The following TRIM38 variants were observed in gnomAD, a reference collection of about 807,000 sequenced individuals.
TRIM38 encodes the protein E3 ubiquitin-protein ligase TRIM38.
A neutral mutation model predicts 35.8 loss-of-function variants in TRIM38; 35 were observed. The ratio of observed to expected loss-of-function variants is 0.98; its 90% CI spans 0.75 to 1.30. The LOEUF (loss-of-function observed/expected upper bound fraction) is 1.30. TRIM38 is among the 50% of genes most tolerant of loss of function. The pLI, the probability that TRIM38 is intolerant of heterozygous loss-of-function variation, is 0.00. For synonymous variants in TRIM38, 198 were observed against 204.7 expected, an observed-to-expected ratio of 0.97 and a Z score of 0.28; for missense variants, 545 against 556.9, an observed-to-expected ratio of 0.98 and a Z score of 0.21.
rs116570368 is a variant in TRIM38, at chr6:25,981,028, A to G, written c.875-2136A>G. Among the ~76,000 whole-genome samples the G allele has an allele frequency of 6.6e-3, 1,003 of 152,284 alleles. 13 individuals carry two copies. Among genetic ancestry groups the G allele is most frequent in the African/African-American group, 0.022 (900 of 41,558 alleles). On this transcript the variant is annotated intron_variant, in intron 7 of 7. Transcript: ENST00000357085. ...CTAACTGAATAGAGTTTGAAAAAGG[A>G]GGGTATTTACAAAGGTGAGGAGTTG...
At position 25,988,496 on chromosome 6, in the gene TRIM38, C is replaced by CTTTTTTTCTTTTT. The variant is rs1554143886; in HGVS notation, c.*4816_*4817insCTTTTTTTTTTTT. The CTTTTTTTCTTTTT allele has an allele frequency of 1.6e-5, 1 of 63,054 alleles. No individual in the cohort carries two copies. Among genetic ancestry groups the CTTTTTTTCTTTTT allele is most frequent in the African/African-American group, 7.0e-5 (1 of 14,186 alleles). 3.9% of individuals were successfully genotyped at this position (63,054 alleles called of 1,614,324 possible). ...TTTCTTTTTCTTTTTTCTTTTCTTT[C>CTTTTTTTCTTTTT]TTTTTTTTTTTTTTTTTGAGACAGA... On this transcript the variant is annotated 3_prime_UTR_variant, in exon 8 of 8. Transcript: ENST00000357085.
At chr6:25,965,237 T>G (rs541819019) in intron 2 of TRIM38, among the ~76,000 whole-genome samples, 1 of 152,350 alleles carries the variant, frequency 6.6e-6, no homozygotes, top group Admixed American at 6.5e-5. Flanking sequence ...AAGGTAACTT[T>G]CTGTGATAAC....
At position 25,989,931 on chromosome 6, in the gene TRIM38, C is replaced by T. The variant is rs1431419296; in HGVS notation, c.*6244C>T. On this transcript the variant is annotated 3_prime_UTR_variant, in exon 8 of 8. Coordinates refer to ENST00000357085, the MANE Select transcript of TRIM38 (RefSeq NM_006355.5). The stretch of plus-strand genomic sequence containing the variant: ...CAACTAATATCTATTCATTTTTGCA[C>T]TGTTGGAAGAAAATTACTGATCAAA... 1 of 151,196 alleles carries T rather than the reference C, an allele frequency of 6.6e-6. No individual in the cohort carries two copies. The highest frequency in any genetic ancestry group is 1.5e-5 in the Non-Finnish European group (1 of 67,930). 9.4% of individuals were successfully genotyped at this position (151,196 alleles called of 1,614,324 possible).
chr6:25,967,378 G>A (rs574149156), intron 3 of TRIM38, among the ~76,000 whole-genome samples: 9 of 152,242 alleles, frequency 5.9e-5, no homozygotes, highest in South Asian at 4.1e-4. Context: ...CCTGGTTTTG[G>A]TGGTGGGGAG....
chr6:25,965,703 A>G (rs1255781525), intron 2 of TRIM38, among the ~76,000 whole-genome samples: 2 of 110,802 alleles, frequency 1.8e-5, no homozygotes, highest in African/African-American at 8.0e-5. Flanking sequence ...AGGCGGGTGG[A>G]TCACAAGGTC....
At chr6:25,981,480 T>C (rs1760542439) in intron 7 of TRIM38, among the ~76,000 whole-genome samples, 1 of 152,258 alleles carries the variant, frequency 6.6e-6, no homozygotes, top group African/African-American at 2.4e-5. Flanking sequence ...AGTGGTTTCT[T>C]AACTCTCTTG....
rs1581612138 is a variant in TRIM38 at position 25,983,713 on chromosome 6, T to C, written c.*26T>C. ...GGAAAAGAGCAGAAGCTCCTTGGTT[T>C]AACCAGCACAGAGAAAATAATATAA... On this transcript the variant is annotated 3_prime_UTR_variant, in exon 8 of 8. Transcript: ENST00000357085. 6.5e-7 allele frequency: 1 copy of C among 1,529,926 alleles called. No homozygotes were observed. The highest frequency in any genetic ancestry group is 2.3e-5 in the East Asian group (1 of 44,404). 94.8% of individuals were successfully genotyped at this position (1,529,926 alleles called of 1,614,324 possible).
chr6:25,989,507 A>ATTTTTTTTTTTTTTTTTTT lies in TRIM38; in HGVS notation c.*5822_*5823insTTTTTTTTTTTTTTTTTTT, dbSNP rs1254792103. 1.8e-5 allele frequency: 2 copies of ATTTTTTTTTTTTTTTTTTT among 109,938 alleles called. No homozygotes were observed. The highest frequency in any genetic ancestry group is 3.3e-5 in the African/African-American group (1 of 29,936). 6.8% of individuals were successfully genotyped at this position (109,938 alleles called of 1,614,324 possible). On this transcript the variant is annotated 3_prime_UTR_variant, in exon 8 of 8. Coordinates refer to ENST00000357085, the MANE Select transcript of TRIM38 (RefSeq NM_006355.5). ...TTTGCTATTGTTAGCAAGGTCTTGTATTCTTTTTTTTTTTTTTTTTTTTTT... is the reference window on the plus strand; with the variant it reads ...TTTGCTATTGTTAGCAAGGTCTTGTATTTTTTTTTTTTTTTTTTTTTCTTTTTTTTTTTTTTTTTTTTTT...
At position 25,966,851 on chromosome 6, in the gene TRIM38, T is replaced by TGG; in HGVS notation, c.329_330insGG (p.Ile111AlafsTer35). On this transcript the variant is annotated frameshift_variant, in exon 3 of 8. Coordinates refer to ENST00000357085, the MANE Select transcript of TRIM38 (RefSeq NM_006355.5). LOFTEE classifies it high-confidence loss of function. Reference sequence around the variant, plus strand: ...CTGTTCTGCGAAGACGAGGGGCAGCTCATCTGCTGGCGCTGTGAGCGGGCA... The same window carrying TGG: ...CTGTTCTGCGAAGACGAGGGGCAGCTGGCATCTGCTGGCGCTGTGAGCGGGCA... 6.2e-7 allele frequency: 1 copy of TGG among 1,614,138 alleles called. No individual in the cohort carries two copies. The highest frequency in any genetic ancestry group is 8.5e-7 in the Non-Finnish European group (1 of 1,180,022).
At chr6:25,982,137 A>G (rs1474556528) in intron 7 of TRIM38, among the ~76,000 whole-genome samples, 1 of 152,194 alleles carries the variant, frequency 6.6e-6, no homozygotes, top group Non-Finnish European at 1.5e-5. Flanking sequence ...AGCCTAGGGC[A>G]TAAAACCCCT....
In TRIM38 at chr6:25,973,177, T is replaced by C; in HGVS notation, c.766T>C (p.Trp256Arg). ...QNVNDTLSRS[W>R]AVKLETSEAV... ...TCTCGCCTCTGCTTATTCTAGGAGT[T>C]GGGCTGTGAAGCTGGAAACATCAGA... Residue 256 changes from tryptophan (W) to arginine (R), a missense_variant, in exon 7 of 8, where the codon TGG (tryptophan) becomes CGG (arginine). Transcript: ENST00000357085. The C allele has an allele frequency of 6.2e-7, 1 of 1,614,230 alleles. No homozygotes were observed. Among genetic ancestry groups the C allele is most frequent in the South Asian group, 1.1e-5 (1 of 91,086 alleles).
At chr6:25,970,273 C>G (rs983523074) in intron 4 of TRIM38, among the ~76,000 whole-genome samples, 6 of 152,212 alleles carry the variant, frequency 3.9e-5, no homozygotes, top group African/African-American at 1.2e-4. Context: ...CTTGCAACTA[C>G]AAACTTTCAG....
chr6:25,969,395 C>G lies in TRIM38; in HGVS notation c.482C>G (p.Thr161Arg), dbSNP rs1561897485. The change falls in exon 4 of 8, where the codon ACA (threonine) becomes AGA (arginine). Residue 161 changes from threonine (T) to arginine (R), a missense_variant. By Grantham distance (71) the Thr-to-Arg change is moderately conservative. Coordinates refer to ENST00000357085, the MANE Select transcript of TRIM38 (RefSeq NM_006355.5). ...EDRCTEQKLS[T>R]AMRITKWKEK... ...AGATGTACGGAGCAGAAGCTGTCCA[C>G]AGCAATGCGAATAACTAAATGGAAA... 1 of 1,610,736 alleles carries G rather than the reference C, an allele frequency of 6.2e-7. No individual in the cohort carries two copies.
At chr6:25,965,633 A>C (rs1322599991) in intron 2 of TRIM38, among the ~76,000 whole-genome samples, 1 of 152,134 alleles carries the variant, frequency 6.6e-6, no homozygotes, top group Non-Finnish European at 1.5e-5. Flanking sequence ...TCTTATAAGA[A>C]AAGAAAAAGA....
At chr6:25,981,736 C>T (rs997685856) in intron 7 of TRIM38, among the ~76,000 whole-genome samples, 9 of 152,198 alleles carry the variant, frequency 5.9e-5, no homozygotes, top group African/African-American at 1.9e-4. Flanking sequence ...CTTCCAATAA[C>T]AAGCTAAGAC....
chr6:25,968,219 C>T (rs915732117), intron 3 of TRIM38, among the ~76,000 whole-genome samples: 2 of 152,210 alleles, frequency 1.3e-5, no homozygotes, highest in African/African-American at 4.8e-5. Flanking sequence ...ATCATGACCA[C>T]CACTCAGCTC....
chr6:25,973,236 T>C lies in TRIM38; in HGVS notation c.825T>C (p.Asn275=), dbSNP rs143441891. ...CCTTGGAACTTCATACTATGTGCAA[T>C]GTTTCCAAGCTTTACTTCGATGTGA... ...AVSLELHTMC[N]VSKLYFDVKK... The change falls in exon 7 of 8, where the codon AAT becomes AAC. Residue 275 remains asparagine (N), a synonymous_variant. Transcript: ENST00000357085. 2.1e-5 allele frequency: 34 copies of C among 1,614,150 alleles called. No homozygotes were observed. The highest frequency in any genetic ancestry group is 1.9e-4 in the African/African-American group (14 of 75,052).
chr6:25,963,495 C>A (rs957287714), intron 2 of TRIM38, among the ~76,000 whole-genome samples: 1 of 152,054 alleles, frequency 6.6e-6, no homozygotes, highest in African/African-American at 2.4e-5. Flanking sequence ...TGGCCTCCCC[C>A]ATCTTCTTTC....
At chr6:25,980,693 T>G (rs1369596767) in intron 7 of TRIM38, among the ~76,000 whole-genome samples, 1 of 152,240 alleles carries the variant, frequency 6.6e-6, no homozygotes. Context: ...AGTGCTGGGA[T>G]TACAGGCATG....
Sources: gnomAD v4.1 joint callset for allele counts (sites outside exome capture counted in the v4.1 genomes callset) on GRCh38, gnomAD v4.1.1 for gene constraint, MANE v1.5 for transcripts, NCBI Gene and HGNC (gene_info 2026-07-23, HGNC 2026-07-21) for gene names.